Variants in AUH observed in about 807,000 individuals in gnomAD.
AUH encodes the protein AU RNA binding methylglutaconyl-CoA hydratase, also known as methylglutaconyl-CoA hydratase, mitochondrial.
In AUH, 29 loss-of-function variants were observed where a neutral mutation model predicts 42.3. That is an observed-to-expected ratio of 0.69 (90% CI 0.51 to 0.93). The LOEUF (loss-of-function observed/expected upper bound fraction) is 0.93. Among genes scored for constraint, AUH ranks in the 40% least tolerant of loss-of-function variants. The probability of loss-of-function intolerance (pLI) is 0.00; values close to 1 mark genes in which losing one functional copy is unlikely to be tolerated. For missense variants in AUH, 452 were observed against 438.1 expected, an observed-to-expected ratio of 1.03 and a Z score of -0.28; for synonymous variants, 174 against 166.4, an observed-to-expected ratio of 1.05 and a Z score of -0.35.
intron 8 of AUH, 95 bp from the exon 9 acceptor site, chr9:91,216,201 GCA>G: frequency 8.2e-7 from 1 of 1,221,228 alleles, no homozygotes. Flanking sequence ...TATCCCCAAA[GCA>G]CCCAATCCTT....
chr9:91,359,972 C>T (rs1832724494), intron 1 of AUH, among the ~76,000 whole-genome samples: 1 of 151,340 alleles, frequency 6.6e-6, no homozygotes, highest in Non-Finnish European at 1.5e-5. Flanking sequence ...CTTTAAGAAA[C>T]CATGATGTAT....
At chr9:91,358,424 C>T (rs955894507) in intron 1 of AUH, among the ~76,000 whole-genome samples, 2 of 152,142 alleles carry the variant, frequency 1.3e-5, no homozygotes, top group African/African-American at 2.4e-5. Context: ...ACTAGCTATT[C>T]GGCAAGTTAC....
At chr9:91,353,898 A>T (rs1832203077) in intron 3 of AUH, among the ~76,000 whole-genome samples, 1 of 150,882 alleles carries the variant, frequency 6.6e-6, no homozygotes, top group Admixed American at 6.6e-5. Context: ...AAAAGAGGCC[A>T]TGTGTGGCCT....
At chr9:91,293,110 G>T (rs55642352) in intron 6 of AUH, among the ~76,000 whole-genome samples, 95 of 152,008 alleles carry the variant, frequency 6.2e-4, no homozygotes, top group African/African-American at 2.1e-3. Flanking sequence ...CTCAACCAAC[G>T]GGCTGTTCCC....
At chr9:91,339,401 T>C (rs1184112611) in intron 3 of AUH, among the ~76,000 whole-genome samples, 2 of 152,214 alleles carry the variant, frequency 1.3e-5, no homozygotes, top group African/African-American at 2.4e-5. Flanking sequence ...ACTCTGAAAT[T>C]ACTTTCAGTA....
At chr9:91,325,528 T>C in intron 3 of AUH, 124 bp from the exon 4 acceptor site, 1 of 775,006 alleles carries the variant, frequency 1.3e-6, no homozygotes, top group Non-Finnish European at 2.2e-6. Flanking sequence ...TTTAATAGAA[T>C]GACATTACCT....
intron 6 of AUH, among the ~76,000 whole-genome samples, chr9:91,239,501 G>A (rs189095216): frequency 4.4e-4 from 67 of 152,288 alleles, no homozygotes; most frequent in African/African-American, 1.6e-3. Flanking sequence ...CTAGGCAAGA[G>A]CTTTCTTCAT....
At chr9:91,300,120 T>C (rs1196910189) in intron 4 of AUH, among the ~76,000 whole-genome samples, 1 of 152,154 alleles carries the variant, frequency 6.6e-6, no homozygotes, top group Non-Finnish European at 1.5e-5. Context: ...ACTCCCTCCT[T>C]GTATTCCTCC....
intron 6 of AUH, among the ~76,000 whole-genome samples, chr9:91,240,450 C>T (rs1828449096): frequency 6.6e-6 from 1 of 152,082 alleles, no homozygotes; most frequent in African/African-American, 2.4e-5. Context: ...TCTCCTTCAG[C>T]GTGGATCTTG....
intron 6 of AUH, among the ~76,000 whole-genome samples, chr9:91,262,034 GA>G (rs60686656): frequency 6.6e-6 from 1 of 151,914 alleles, no homozygotes; most frequent in Non-Finnish European, 1.5e-5. Flanking sequence ...AAACCAATGG[GA>G]AAAAAAGATT....
At chr9:91,228,659 T>G (rs866137819) in intron 6 of AUH, among the ~76,000 whole-genome samples, 10 of 148,134 alleles carry the variant, frequency 6.8e-5, no homozygotes, top group African/African-American at 2.5e-4. Flanking sequence ...GTGTCAATTT[T>G]GGATCTTTCC....
intron 3 of AUH, among the ~76,000 whole-genome samples, chr9:91,327,269 T>C (rs554772819): frequency 6.6e-6 from 1 of 152,126 alleles, no homozygotes; most frequent in Non-Finnish European, 1.5e-5. Context: ...GTGTCCCCAG[T>C]GAAACCCAAC....
At chr9:91,314,698 C>T (rs149326645) in intron 4 of AUH, among the ~76,000 whole-genome samples, 15 of 152,056 alleles carry the variant, frequency 9.9e-5, no homozygotes, top group Admixed American at 4.6e-4. Flanking sequence ...GGAGGTCAGA[C>T]CATCTCCCTC....
intron 3 of AUH, among the ~76,000 whole-genome samples, chr9:91,327,833 G>T (rs908389486): frequency 6.6e-6 from 1 of 152,216 alleles, no homozygotes; most frequent in Non-Finnish European, 1.5e-5. Context: ...ACTGCTTGGG[G>T]CTCCATGAAT....
chr9:91,295,552 T>C (rs1166488648), intron 6 of AUH, among the ~76,000 whole-genome samples: 10 of 152,222 alleles, frequency 6.6e-5, no homozygotes, highest in East Asian at 3.9e-4. Context: ...TCCTTGGAAA[T>C]TGGCACAGCA....
chr9:91,267,537 T>G (rs1830041927), intron 6 of AUH, among the ~76,000 whole-genome samples: 1 of 152,110 alleles, frequency 6.6e-6, no homozygotes, highest in African/African-American at 2.4e-5. Flanking sequence ...TTTTATTCCT[T>G]TGGGCCGCAT....
intron 3 of AUH, among the ~76,000 whole-genome samples, chr9:91,333,019 G>C (rs138343938): frequency 5.1e-4 from 77 of 152,288 alleles, no homozygotes; most frequent in Admixed American, 1.6e-3. Flanking sequence ...CCAGGCAGTA[G>C]ATATCAGCAG....
At chr9:91,327,861 G>GT (rs1255620910) in intron 3 of AUH, among the ~76,000 whole-genome samples, 1 of 152,222 alleles carries the variant, frequency 6.6e-6, no homozygotes, top group Non-Finnish European at 1.5e-5. Context: ...TTATCTCTGA[G>GT]TTTTTGGGTG....
intron 6 of AUH, among the ~76,000 whole-genome samples, chr9:91,278,017 G>A (rs953857230): frequency 1.3e-5 from 2 of 152,174 alleles, no homozygotes; most frequent in African/African-American, 2.4e-5. Flanking sequence ...CACTGGAGGA[G>A]GCATCGTAGA....
Sources: allele counts gnomAD v4.1 joint callset (sites outside exome capture counted in the v4.1 genomes callset), GRCh38; gene constraint gnomAD v4.1.1; transcripts MANE v1.5; gene names NCBI Gene and HGNC (gene_info 2026-07-23, HGNC 2026-07-21).